The following GPRC5B variants were observed in gnomAD, a reference collection of about 807,000 sequenced individuals.
The protein encoded by GPRC5B is G protein-coupled receptor family C group 5 member B.
Under a neutral mutation model 30.1 loss-of-function variants are expected in GPRC5B, and 16 were observed. The observed-to-expected ratio is 0.53, with a 90% CI of 0.36 to 0.81. The LOEUF (loss-of-function observed/expected upper bound fraction) is 0.81, where lower values mean the gene tolerates loss of function less well. Ranked by LOEUF, GPRC5B falls within the 30% of genes least tolerant of loss-of-function variation. The probability of loss-of-function intolerance (pLI) is 0.01; values close to 1 mark genes in which losing one functional copy is unlikely to be tolerated. For missense variants in GPRC5B, 428 were observed against 544.7 expected (o/e 0.79, Z 2.13); for synonymous variants, 241 against 239.5 (o/e 1.01, Z -0.06).
rs887310008 is a variant in GPRC5B, at chr16:19,857,078, C to A, written c.*3422G>T. 1.1e-5 allele frequency: 2 copies of A among 178,234 alleles called. No homozygotes were observed. Among genetic ancestry groups the A allele is most frequent in the East Asian group, 3.5e-4 (2 of 5,786 alleles). 11.0% of individuals were successfully genotyped at this position (178,234 alleles called of 1,614,324 possible). On this transcript the variant is annotated 3_prime_UTR_variant, in exon 4 of 4. Transcript: ENST00000300571. ...ACCCAACAAGATGAGACACTTAAAC[C>A]CAGACAGATGTAACAAAGGATTTTT...
chr16:19,872,053 C>A lies in GPRC5B; in HGVS notation c.793G>T (p.Asp265Tyr), dbSNP rs143944741. The A allele has an allele frequency of 1.3e-3, 2,052 of 1,613,980 alleles. 2 individuals carry two copies. The highest frequency in any genetic ancestry group is 1.6e-3 in the Non-Finnish European group (1,889 of 1,179,956). ...GCCAAGGTGGGGTCGTTCCAGGCAT[C>A]CCCCTGCTGCAGCTTGACATTGCCG... ...LFGNVKLQQG[D>Y]AWNDPTLAIT... is the part of the protein sequence containing the mutation. Residue 265 changes from aspartate (D) to tyrosine (Y), a missense_variant, in exon 2 of 4, where the codon GAT (aspartate) becomes TAT (tyrosine). Physicochemically the swap from Asp to Tyr is radical, Grantham distance 160. Transcript: ENST00000300571. This position sits in a 1 kb window ranked among gnomAD's most constrained non-coding sequence, Gnocchi z 5.0.
chr16:19,876,531 T>G (rs7404256), intron 1 of GPRC5B, among the ~76,000 whole-genome samples: 80,038 of 151,990 alleles, frequency 0.53, 21,510 homozygotes, highest in African/African-American at 0.57. Flanking sequence ...ATTCACTCCC[T>G]GAGGGGGTTC....
At chr16:19,883,144 G>A (rs2141155446) in intron 1 of GPRC5B, among the ~76,000 whole-genome samples, 1 of 152,302 alleles carries the variant, frequency 6.6e-6, no homozygotes, top group East Asian at 1.9e-4. Flanking sequence ...GAGAGCAGGG[G>A]TTTTGTCCGT....
chr16:19,864,055 A>G (rs1398683618), intron 2 of GPRC5B, among the ~76,000 whole-genome samples: 4 of 152,118 alleles, frequency 2.6e-5, no homozygotes, highest in South Asian at 2.1e-4. Flanking sequence ...AAGAAGCCCA[A>G]CTAACACCCT....
chr16:19,884,496 C>T (rs2056835617), intron 1 of GPRC5B, among the ~76,000 whole-genome samples: 1 of 150,420 alleles, frequency 6.6e-6, no homozygotes, highest in South Asian at 2.1e-4. Context: ...CGTAAAGGTC[C>T]CCAGATCCTC....
At chr16:19,861,679 G>T (rs2056623454) in intron 3 of GPRC5B, among the ~76,000 whole-genome samples, 158 bp downstream of exon 3, 1 of 152,172 alleles carries the variant, frequency 6.6e-6, no homozygotes, top group African/African-American at 2.4e-5. Context: ...GGTAGAAAGG[G>T]AAAGAAGAAA....
intron 2 of GPRC5B, among the ~76,000 whole-genome samples, chr16:19,867,070 A>T (rs377202224): frequency 6.6e-6 from 1 of 152,240 alleles, no homozygotes; most frequent in Non-Finnish European, 1.5e-5. Context: ...TTTATAGCCT[A>T]TGCTTGAACA....
At chr16:19,861,391 T>TTTC (rs1438313262) in intron 3 of GPRC5B, among the ~76,000 whole-genome samples, 3 of 152,300 alleles carry the variant, frequency 2.0e-5, no homozygotes, top group African/African-American at 7.2e-5. Context: ...ACTGCTTCAA[T>TTTC]TTCTTAAGAC....
intron 1 of GPRC5B, among the ~76,000 whole-genome samples, chr16:19,874,166 C>A (rs2056744008): frequency 6.6e-6 from 1 of 152,176 alleles, no homozygotes; most frequent in African/African-American, 2.4e-5. Context: ...GGAGGATTCC[C>A]CAGAGTGCCT....
intron 2 of GPRC5B, among the ~76,000 whole-genome samples, chr16:19,871,580 C>A (rs1339851911): frequency 1.3e-5 from 2 of 152,198 alleles, no homozygotes; most frequent in Non-Finnish European, 2.9e-5. Flanking sequence ...TGAGATTGCA[C>A]CATTGTGCTC....
chr16:19,865,279 C>T (rs1463336306), intron 2 of GPRC5B, among the ~76,000 whole-genome samples: 3 of 152,130 alleles, frequency 2.0e-5, no homozygotes, highest in South Asian at 4.1e-4. Flanking sequence ...GGTCTGACAA[C>T]ACCCAAGGTT....
At chr16:19,882,462 G>T (rs1690400) in intron 1 of GPRC5B, 24,629 of 152,164 alleles carry the variant, frequency 0.16, 2,177 homozygotes, top group Non-Finnish European at 0.19. Flanking sequence ...GGGCTCCGGG[G>T]GGCTCCGTTA....
rs562268890 is a variant in GPRC5B, at chr16:19,862,239, C to T, written c.1031-266G>A. ...GGCCCATGGTTGGGCCTCTGGTTCC[C>T]CCTCCAAGCCACGCAGCCTCTGCAG... On this transcript the variant is annotated intron_variant, in intron 2 of 3. Transcript: ENST00000300571. 1.4e-5 allele frequency: 6 copies of T among 424,364 alleles called. No individual in the cohort carries two copies. The South Asian group carries it at 1.9e-4, about 13-fold the overall frequency. 26.3% of individuals were successfully genotyped at this position (424,364 alleles called of 1,614,324 possible).
intron 2 of GPRC5B, among the ~76,000 whole-genome samples, chr16:19,866,380 A>G (rs1245860488): frequency 6.6e-6 from 1 of 151,320 alleles, no homozygotes; most frequent in Non-Finnish European, 1.5e-5. Flanking sequence ...CATTTGAGAT[A>G]AGGTCTCCCT....
chr16:19,876,502 G>C (rs1211465839), intron 1 of GPRC5B, among the ~76,000 whole-genome samples: 1 of 152,192 alleles, frequency 6.6e-6, no homozygotes, highest in Non-Finnish European at 1.5e-5. Flanking sequence ...CAAGAACTTG[G>C]CCTTCTGAAG....
chr16:19,870,885 T>C (rs1220556944), intron 2 of GPRC5B, among the ~76,000 whole-genome samples: 8 of 151,644 alleles, frequency 5.3e-5, no homozygotes, highest in Non-Finnish European at 2.9e-5. Flanking sequence ...TGCAGCCTGG[T>C]GGAAATGTTG....
At chr16:19,882,116 C>G (rs1008773074) in intron 1 of GPRC5B, 4 of 152,312 alleles carry the variant, frequency 2.6e-5, no homozygotes, top group African/African-American at 9.6e-5. Context: ...CTCTTTCCCA[C>G]ACCCCCAATT....
intron 3 of GPRC5B, among the ~76,000 whole-genome samples, chr16:19,861,126 A>G (rs2056619755): frequency 6.8e-6 from 1 of 146,678 alleles, no homozygotes; most frequent in African/African-American, 2.5e-5. Context: ...AGGTTGAGTT[A>G]TGGAGTTGGA....
intron 1 of GPRC5B, among the ~76,000 whole-genome samples, chr16:19,876,798 GGACAGCTGTT>G (rs1226004012): frequency 6.6e-6 from 1 of 152,158 alleles, no homozygotes; most frequent in Non-Finnish European, 1.5e-5. Context: ...TGCTCTTCCG[GGACAGCTGTT>G]GTTTTCGCTG....
Sources: gnomAD v4.1 joint callset for allele counts (sites outside exome capture counted in the v4.1 genomes callset) on GRCh38, gnomAD v4.1.1 for gene constraint, Gnocchi (gnomAD v3.1) non-coding constraint, MANE v1.5 for transcripts, NCBI Gene and HGNC (gene_info 2026-07-23, HGNC 2026-07-21) for gene names.